Variants in BLTP1 observed in about 807,000 individuals in gnomAD.
The protein encoded by BLTP1 is bridge-like lipid transfer protein family member 1, also known as fragile site-associated protein.
the BLTP1 span, chr4:122,277,631 A>C: frequency 1.0e-6 from 1 of 956,834 alleles, no homozygotes; most frequent in Non-Finnish European, 1.2e-6. Context: ...TTCTTAATAA[A>C]AGTAATAGCC....
At chr4:122,321,038 T>G in the BLTP1 span, among the ~76,000 whole-genome samples, 58,245 of 148,318 alleles carry the variant, frequency 0.39, 11,559 homozygotes, top group Middle Eastern at 0.58. Flanking sequence ...GTCTACAGAT[T>G]CTTCTCGGCT....
the BLTP1 span, chr4:122,325,636 C>A: frequency 9.2e-7 from 1 of 1,092,798 alleles, no homozygotes; most frequent in Non-Finnish European, 1.2e-6. Context: ...ACATCTTACA[C>A]AAATGTAAAC....
the BLTP1 span, chr4:122,250,021 T>C: frequency 2.4e-5 from 22 of 933,568 alleles, no homozygotes; most frequent in Non-Finnish European, 2.8e-5. Context: ...ATATAGGATA[T>C]AAAAACTGTA....
chr4:122,174,615 C>A, the BLTP1 span: 1 of 1,607,046 alleles, frequency 6.2e-7, no homozygotes, highest in South Asian at 1.1e-5. Context: ...AGTCATGGTT[C>A]GTGAAATCTA....
At chr4:122,268,337 G>A in the BLTP1 span, among the ~76,000 whole-genome samples, 1 of 152,128 alleles carries the variant, frequency 6.6e-6, no homozygotes, top group Non-Finnish European at 1.5e-5. Context: ...ACAGAACAAG[G>A]AGCTTTTGTG....
At chr4:122,323,784 G>T in the BLTP1 span, among the ~76,000 whole-genome samples, 4 of 151,872 alleles carry the variant, frequency 2.6e-5, no homozygotes, top group Non-Finnish European at 4.4e-5. Flanking sequence ...TTTGGTAATT[G>T]ACTGTTAAAA....
At chr4:122,305,550 C>A in the BLTP1 span, 2 of 984,590 alleles carry the variant, frequency 2.0e-6, no homozygotes, top group Non-Finnish European at 2.4e-6. Flanking sequence ...ATTAAAGATA[C>A]GAGGAAAAAA....
At chr4:122,153,915 T>C in the BLTP1 span, 5 of 757,484 alleles carry the variant, frequency 6.6e-6, no homozygotes, top group Non-Finnish European at 4.8e-6. Flanking sequence ...TAAAAGAGTT[T>C]CGTCCTGTTT....
chr4:122,338,541 A>C, the BLTP1 span, among the ~76,000 whole-genome samples: 1 of 152,042 alleles, frequency 6.6e-6, no homozygotes, highest in East Asian at 1.9e-4. Flanking sequence ...TATGAGCATA[A>C]ATTTTTTTAA....
At chr4:122,266,845 C>T in the BLTP1 span, 2 of 1,610,106 alleles carry the variant, frequency 1.2e-6, no homozygotes, top group Non-Finnish European at 1.7e-6. Context: ...TGCCATTCTG[C>T]TACCGAATGT....
the BLTP1 span, among the ~76,000 whole-genome samples, chr4:122,308,957 A>G: frequency 6.6e-6 from 1 of 152,098 alleles, no homozygotes; most frequent in Non-Finnish European, 1.5e-5. Flanking sequence ...CATAATGGGC[A>G]CTGCCTAGGA....
chr4:122,262,160 G>GTGTGTGTGTA, the BLTP1 span, among the ~76,000 whole-genome samples: 1 of 147,236 alleles, frequency 6.8e-6, no homozygotes, highest in Admixed American at 6.7e-5. Flanking sequence ...GTGTGTGTGT[G>GTGTGTGTGTA]TGTGTGTGTG....
At chr4:122,198,530 T>TTGTATAATACTGC in the BLTP1 span, 3 of 788,146 alleles carry the variant, frequency 3.8e-6, no homozygotes, top group Non-Finnish European at 4.6e-6. Flanking sequence ...TATGCAGTAT[T>TTGTATAATACTGC]ATACAAATAC....
the BLTP1 span, among the ~76,000 whole-genome samples, chr4:122,159,142 G>C: frequency 1.3e-5 from 2 of 152,066 alleles, no homozygotes; most frequent in African/African-American, 4.8e-5. Flanking sequence ...ATTTCTTTTG[G>C]TTATAAGTAC....
At chr4:122,291,382 T>C in the BLTP1 span, among the ~76,000 whole-genome samples, 1 of 152,246 alleles carries the variant, frequency 6.6e-6, no homozygotes, top group African/African-American at 2.4e-5. Context: ...TGAACCCTTG[T>C]AGCTCAAATT....
At chr4:122,347,404 G>T in the BLTP1 span, 1 of 1,363,416 alleles carries the variant, frequency 7.3e-7, no homozygotes, top group South Asian at 1.5e-5. Context: ...GCTAAATAGA[G>T]AACTAGAAGG....
chr4:122,228,059 G>A, the BLTP1 span, among the ~76,000 whole-genome samples: 27 of 151,490 alleles, frequency 1.8e-4, no homozygotes, highest in Non-Finnish European at 3.8e-4. Flanking sequence ...GACTACAGGC[G>A]CCCACCACCA....
At chr4:122,235,265 C>T in the BLTP1 span, 2 of 823,758 alleles carry the variant, frequency 2.4e-6, no homozygotes, top group Non-Finnish European at 1.5e-6. Context: ...GGGTGGCTTT[C>T]CTCACAGAAT....
chr4:122,316,587 G>A, the BLTP1 span: 1 of 1,072,682 alleles, frequency 9.3e-7, no homozygotes, highest in Non-Finnish European at 1.4e-6. Context: ...GAAATTGAAG[G>A]GATTTAAATC....
Sources: allele counts gnomAD v4.1 joint callset (sites outside exome capture counted in the v4.1 genomes callset), GRCh38; gene constraint gnomAD v4.1.1; transcripts MANE v1.5; gene names NCBI Gene and HGNC (gene_info 2026-07-23, HGNC 2026-07-21).